Variants in TADA2A observed in about 807,000 individuals in gnomAD.
The protein encoded by TADA2A is transcriptional adapter 2-alpha.
TADA2A carries 38 observed loss-of-function variants against 67.4 expected under a neutral mutation model. The ratio of observed to expected loss-of-function variants is 0.56; its 90% CI spans 0.44 to 0.74. The LOEUF (loss-of-function observed/expected upper bound fraction) is 0.74. TADA2A is among the 30% of genes least tolerant of loss of function. The pLI is 0.00. For synonymous variants in TADA2A, 192 were observed against 181.6 expected (o/e 1.06, Z -0.46); for missense variants, 454 against 547.0 (o/e 0.83, Z 1.70).
intron 4 of TADA2A, 110 bp downstream of exon 4, chr17:37,427,119 G>A: frequency 1.2e-6 from 1 of 850,100 alleles, no homozygotes; most frequent in Non-Finnish European, 1.7e-6. Context: ...CAGGGAATTA[G>A]TTTTCTTAAT....
intron 2 of TADA2A, among the ~76,000 whole-genome samples, chr17:37,414,814 T>C (rs573905763): frequency 2.0e-5 from 3 of 152,292 alleles, no homozygotes; most frequent in African/African-American, 4.8e-5. Flanking sequence ...CTTCATTGTT[T>C]TCTGGTTTAA....
At chr17:37,467,907 C>G (rs2053700670) in intron 12 of TADA2A, among the ~76,000 whole-genome samples, 1 of 151,992 alleles carries the variant, frequency 6.6e-6, no homozygotes, top group African/African-American at 2.4e-5. Flanking sequence ...CATGGTGAAA[C>G]CCTACCTCTA....
intron 5 of TADA2A, among the ~76,000 whole-genome samples, chr17:37,439,424 C>T (rs905805634): frequency 3.9e-5 from 6 of 151,930 alleles, no homozygotes; most frequent in East Asian, 1.9e-4. Context: ...CTGGGACTAC[C>T]GGCGTGTGCA....
intron 8 of TADA2A, among the ~76,000 whole-genome samples, chr17:37,451,061 C>T (rs2053218670): frequency 6.6e-6 from 1 of 151,860 alleles, no homozygotes; most frequent in South Asian, 2.1e-4. Context: ...GAGTCTCATT[C>T]TGTTGCCCAG....
intron 7 of TADA2A, among the ~76,000 whole-genome samples, chr17:37,443,108 G>A (rs1244537452): frequency 6.6e-6 from 1 of 152,088 alleles, no homozygotes; most frequent in Non-Finnish European, 1.5e-5. Context: ...GCTGTAGCGA[G>A]TGGTGATCAT....
At chr17:37,429,538 T>A (rs980644652) in intron 4 of TADA2A, among the ~76,000 whole-genome samples, 2 of 152,032 alleles carry the variant, frequency 1.3e-5, no homozygotes, top group African/African-American at 4.8e-5. Flanking sequence ...CACCTAGGCC[T>A]CCCAAAGTGC....
intron 10 of TADA2A, among the ~76,000 whole-genome samples, chr17:37,465,104 C>T (rs1461686360): frequency 3.9e-4 from 59 of 151,576 alleles, no homozygotes; most frequent in Non-Finnish European, 7.4e-5. Flanking sequence ...GCCGAGATCA[C>T]CCCAACGCAC....
chr17:37,416,603 A>T (rs560778138), intron 2 of TADA2A, among the ~76,000 whole-genome samples: 3 of 152,268 alleles, frequency 2.0e-5, no homozygotes. Context: ...ATGGTGGCTC[A>T]CGCCTGTAAT....
At chr17:37,433,107 A>T (rs1470747099) in intron 4 of TADA2A, among the ~76,000 whole-genome samples, 1 of 150,920 alleles carries the variant, frequency 6.6e-6, no homozygotes, top group Admixed American at 6.6e-5. Context: ...ATTATTTTTT[A>T]AATTTTCTTC....
chr17:37,429,282 A>G (rs2147940233), intron 4 of TADA2A, among the ~76,000 whole-genome samples: 1 of 152,188 alleles, frequency 6.6e-6, no homozygotes, highest in South Asian at 2.1e-4. Context: ...CATTGGGCCT[A>G]TCAGGGTAAT....
At position 37,411,429 on chromosome 17, in the gene TADA2A, TA is replaced by T. The variant is rs763810384; in HGVS notation, c.25+40del. ...GAACAAGTCTCAGGTGACTTATTATTATTTTTTTTTTGAGATGGACTCTCCC... is the reference window on the plus strand; with the variant it reads ...GAACAAGTCTCAGGTGACTTATTATTTTTTTTTTTTGAGATGGACTCTCCC... On this transcript the variant is annotated intron_variant, in intron 2 of 15. Transcript: ENST00000615182. The T allele has an allele frequency of 1.4e-5, 23 of 1,589,036 alleles. No homozygotes were observed. In the South Asian group the frequency reaches 1.8e-4, roughly 12 times the overall value.
chr17:37,441,998 A>T (rs2052932545), intron 6 of TADA2A, among the ~76,000 whole-genome samples: 1 of 152,090 alleles, frequency 6.6e-6, no homozygotes, highest in African/African-American at 2.4e-5. Context: ...CTTTGGTGTT[A>T]GCACTTTGTT....
intron 8 of TADA2A, among the ~76,000 whole-genome samples, chr17:37,449,211 C>T (rs747004272): frequency 7.2e-5 from 11 of 152,030 alleles, no homozygotes; most frequent in Non-Finnish European, 1.5e-4. Context: ...TTAGTAGAGA[C>T]GGGGTTTCAC....
chr17:37,422,432 C>T (rs983561845), intron 2 of TADA2A, among the ~76,000 whole-genome samples: 1 of 151,352 alleles, frequency 6.6e-6, no homozygotes, highest in African/African-American at 2.4e-5. Context: ...CTGCCTGCCT[C>T]AGCCTCCCAA....
intron 11 of TADA2A, among the ~76,000 whole-genome samples, chr17:37,466,424 C>T (rs2053666420): frequency 6.6e-6 from 1 of 152,068 alleles, no homozygotes; most frequent in Non-Finnish European, 1.5e-5. Context: ...TGTTTCAAAA[C>T]AAAATATGTT....
chr17:37,419,195 G>A (rs1307719676), intron 2 of TADA2A, among the ~76,000 whole-genome samples: 1 of 143,214 alleles, frequency 7.0e-6, no homozygotes, highest in Non-Finnish European at 1.6e-5. Context: ...TTTTGAGAGA[G>A]GGTCTTGCTT....
chr17:37,474,449 G>C, intron 14 of TADA2A, 107 bp from the exon 15 acceptor site: 2 of 1,008,892 alleles, frequency 2.0e-6, no homozygotes, highest in South Asian at 3.0e-5. Flanking sequence ...GCTGGATATA[G>C]TGATCCTATA....
chr17:37,437,098 T>G (rs923501657), intron 4 of TADA2A, among the ~76,000 whole-genome samples: 2 of 151,234 alleles, frequency 1.3e-5, no homozygotes, highest in African/African-American at 4.9e-5. Flanking sequence ...TTTTTTTTTT[T>G]TTTTTGAAAC....
chr17:37,477,604 A>C lies in TADA2A; in HGVS notation c.*622A>C, dbSNP rs2053915478. 1 of 151,830 alleles carries C rather than the reference A, an allele frequency of 6.6e-6. No individual in the cohort carries two copies. Among genetic ancestry groups the C allele is most frequent in the Admixed American group, 6.6e-5 (1 of 15,206 alleles). The allele number at this position is 151,830 out of a possible 1,614,324, so 9.4% of individuals were successfully genotyped here. On this transcript the variant is annotated 3_prime_UTR_variant, in exon 16 of 16. Coordinates refer to ENST00000615182, the MANE Select transcript of TADA2A (RefSeq NM_001166105.3). ...CTCAGCCTCCCGAATAGCTGGGACT[A>C]CAGGTGTCCACCACCACACCTGGCT... is the stretch of plus-strand genomic sequence containing the variant.
Sources: allele counts gnomAD v4.1 joint callset (sites outside exome capture counted in the v4.1 genomes callset), GRCh38; gene constraint gnomAD v4.1.1; transcripts MANE v1.5; gene names NCBI Gene and HGNC (gene_info 2026-07-23, HGNC 2026-07-21).